PDE10A: variants seen among roughly 807,000 people sequenced by gnomAD.
PDE10A encodes phosphodiesterase 10A, also known as cAMP and cAMP-inhibited cGMP 3',5'-cyclic phosphodiesterase 10A.
In PDE10A, 39 loss-of-function variants were observed where a neutral mutation model predicts 97.7. The observed-to-expected ratio is 0.40, with a 90% CI of 0.31 to 0.52. PDE10A has a LOEUF of 0.52. Among genes scored for constraint, PDE10A ranks in the 20% least tolerant of loss-of-function variants. PDE10A has a pLI of 0.56. For missense variants in PDE10A, 731 were observed against 1,047.8 expected (o/e 0.70, Z 4.17); for synonymous variants, 371 against 376.8 (o/e 0.98, Z 0.18).
intron 1 of PDE10A, among the ~76,000 whole-genome samples, chr6:165,985,655 G>A (rs1785169992): frequency 6.6e-6 from 1 of 152,190 alleles, no homozygotes; most frequent in Admixed American, 6.5e-5. Flanking sequence ...TCAGCAAGGA[G>A]CCCGAGGGGG....
chr6:165,579,423 A>G (rs1785490059), intron 1 of PDE10A, among the ~76,000 whole-genome samples: 1 of 152,200 alleles, frequency 6.6e-6, no homozygotes, highest in South Asian at 2.1e-4. Flanking sequence ...GCACAAGATT[A>G]GGGAGAATGA....
chr6:165,835,171 C>A (rs759477751), intron 1 of PDE10A, among the ~76,000 whole-genome samples: 1 of 152,220 alleles, frequency 6.6e-6, no homozygotes, highest in Non-Finnish European at 1.5e-5. Flanking sequence ...AGGCTGGATC[C>A]TGATGGGTAA....
At chr6:165,615,211 G>A (rs78613211) in intron 1 of PDE10A, among the ~76,000 whole-genome samples, 53 of 134,490 alleles carry the variant, frequency 3.9e-4, no homozygotes, top group Admixed American at 3.9e-4. Context: ...CTCCATCTCA[G>A]AAAAAAAAAA....
Position 165,453,591 on chromosome 6 carries a change from C to T in PDE10A, c.1024-3229G>A, listed in dbSNP as rs1777765740. 2.0e-5 allele frequency among the ~76,000 whole-genome samples: 3 copies of T among 152,212 alleles called. No individual in the cohort carries two copies. In the South Asian group the frequency reaches 6.2e-4, roughly 32 times the overall value. On this transcript the variant is annotated intron_variant, in intron 3 of 21. Coordinates refer to ENST00000539869, the MANE Select transcript of PDE10A (RefSeq NM_001385079.1). ...CCTGCATTCCTTCACAATGTGAGCC[C>T]CAGCCACGGTTCAAGTGAGTTCAAG...
In PDE10A at chr6:165,711,303, G is replaced by A. The variant is rs1044023112; in HGVS notation, c.-614-167735C>T. On this transcript the variant is annotated intron_variant, in intron 1 of 19. Transcript: ENST00000366882. The surrounding 1 kb of genome is among the most constrained non-coding windows in gnomAD (Gnocchi z 4.5). ...GGCTCCCATTGGCCCTTCAAGTTGG[G>A]CACTGTGGCACCATTACAGATGGTA... Among the ~76,000 whole-genome samples, 1 of 152,160 alleles carries A rather than the reference G, an allele frequency of 6.6e-6. No individual in the cohort carries two copies. The highest frequency in any genetic ancestry group is 2.4e-5 in the African/African-American group (1 of 41,450).
chr6:165,433,438 C>T (rs1335349822), intron 6 of PDE10A, among the ~76,000 whole-genome samples: 1 of 152,134 alleles, frequency 6.6e-6, no homozygotes, highest in Non-Finnish European at 1.5e-5. Flanking sequence ...ACTTATTCAT[C>T]GTCTTCTATG....
chr6:165,343,396 C>G lies in PDE10A; in HGVS notation c.2890G>C (p.Ala964Pro). 6.2e-7 allele frequency: 1 copy of G among 1,607,786 alleles called. No homozygotes were observed. Among genetic ancestry groups the G allele is most frequent in the Non-Finnish European group, 8.5e-7 (1 of 1,174,328 alleles). ...TATAAGAATCAAGGACATACCTCAG[C>G]CCAGAATTCTGCATATATATCATTT... is the stretch of plus-strand genomic sequence containing the variant. ...TANDIYAEFW[A>P]EGDEMKKLGI... is the part of the protein sequence containing the mutation. Residue 964 changes from alanine (A) to proline (P), a missense_variant, in exon 19 of 22, where the codon GCT becomes CCT. Transcript: ENST00000539869.
At chr6:165,753,675 T>C (rs1006950149) in intron 1 of PDE10A, among the ~76,000 whole-genome samples, 11 of 152,238 alleles carry the variant, frequency 7.2e-5, no homozygotes, top group African/African-American at 2.7e-4. Context: ...AATAATTTAT[T>C]ATAGGCTGGA....
Position 165,332,964 on chromosome 6 carries a change from G to T in PDE10A, c.*61C>A. 5.4e-6 allele frequency: 4 copies of T among 735,692 alleles called. No homozygotes were observed. Among genetic ancestry groups the T allele is most frequent in the East Asian group, 2.9e-5 (1 of 33,950 alleles). 45.6% of individuals were successfully genotyped at this position (735,692 alleles called of 1,614,324 possible). A position where few individuals can be genotyped will look rare whatever the true frequency, so the allele number is the denominator to read the frequency against. On this transcript the variant is annotated 3_prime_UTR_variant, in exon 22 of 22. Transcript: ENST00000539869. ...CCCACCCCCCCCAAAAAAAGGAAAA[G>T]AATGTCAAAGAAGCAAGATGAGGAT... is the stretch of plus-strand genomic sequence containing the variant.
chr6:165,707,131 C>T (rs1024310025), intron 1 of PDE10A, among the ~76,000 whole-genome samples: 10 of 152,154 alleles, frequency 6.6e-5, no homozygotes, highest in Non-Finnish European at 2.9e-5. Flanking sequence ...CCCAGAAAAC[C>T]CTATTTGACC....
chr6:165,777,718 G>A (rs1002566326), intron 1 of PDE10A, among the ~76,000 whole-genome samples: 4 of 152,076 alleles, frequency 2.6e-5, no homozygotes, highest in Non-Finnish European at 5.9e-5. Flanking sequence ...GTTAATTATG[G>A]AATATTTAAA....
chr6:165,674,138 C>T (rs1041515745), intron 1 of PDE10A, among the ~76,000 whole-genome samples: 6 of 152,136 alleles, frequency 3.9e-5, no homozygotes, highest in Admixed American at 1.3e-4. Flanking sequence ...CTTGCCTTTA[C>T]CCCTTTCCCA....
chr6:165,431,926 T>C (rs974231243), intron 7 of PDE10A, among the ~76,000 whole-genome samples: 3 of 152,090 alleles, frequency 2.0e-5, no homozygotes, highest in Non-Finnish European at 2.9e-5. Context: ...TGAAAAGCAA[T>C]CTAATGACCA....
chr6:165,349,082 A>C lies in PDE10A; in HGVS notation c.2784-5580T>G, dbSNP rs191039159. ...TGCAGAGAGTTGGGTGCTGCTATAA[A>C]GATACATGAAACTGTGGAAGCGACT... On this transcript the variant is annotated intron_variant, in intron 18 of 21. Coordinates refer to ENST00000539869, the MANE Select transcript of PDE10A (RefSeq NM_001385079.1). Among the ~76,000 whole-genome samples, 3 of 152,364 alleles carry C rather than the reference A, an allele frequency of 2.0e-5. 1 individual carries two copies. Among genetic ancestry groups the C allele is most frequent in the Admixed American group, 2.0e-4 (3 of 15,306 alleles).
chr6:165,447,108 T>A (rs1404786835), intron 5 of PDE10A, among the ~76,000 whole-genome samples: 4 of 149,738 alleles, frequency 2.7e-5, no homozygotes, highest in African/African-American at 4.9e-5. Context: ...AAAAAAAAAA[T>A]AAAATTTTTT....
At chr6:165,884,185 T>C (rs563083428) in intron 1 of PDE10A, among the ~76,000 whole-genome samples, 3 of 152,228 alleles carry the variant, frequency 2.0e-5, no homozygotes, top group Middle Eastern at 3.4e-3. Flanking sequence ...GAAATAAAAA[T>C]TGTGCTTTGG....
chr6:165,843,147 A>C (rs1277129297), intron 1 of PDE10A, among the ~76,000 whole-genome samples: 1 of 152,236 alleles, frequency 6.6e-6, no homozygotes, highest in East Asian at 1.9e-4. Context: ...AAGGGTGAGA[A>C]GACCAGGTCC....
chr6:165,517,623 C>T (rs1351525894), intron 2 of PDE10A, among the ~76,000 whole-genome samples: 3 of 152,128 alleles, frequency 2.0e-5, no homozygotes, highest in Non-Finnish European at 2.9e-5. Flanking sequence ...GGATGAATCT[C>T]AAAAAGGCTC....
intron 1 of PDE10A, among the ~76,000 whole-genome samples, chr6:165,922,034 G>A (rs571623747): frequency 1.3e-5 from 2 of 152,294 alleles, no homozygotes; most frequent in South Asian, 2.1e-4. Context: ...ATAGTGAGAT[G>A]TGAGAAGATT....
Sources: allele counts gnomAD v4.1 joint callset (sites outside exome capture counted in the v4.1 genomes callset), GRCh38; gene constraint gnomAD v4.1.1; non-coding constraint Gnocchi (gnomAD v3.1); transcripts MANE v1.5; gene names NCBI Gene and HGNC (gene_info 2026-07-23, HGNC 2026-07-21).